SNRNP25: variants seen among roughly 807,000 people sequenced by gnomAD.
SNRNP25 encodes the protein small nuclear ribonucleoprotein U11/U12 subunit 25, also known as U11/U12 small nuclear ribonucleoprotein 25 kDa protein.
SNRNP25 carries 21 observed loss-of-function variants against 23.9 expected under a neutral mutation model. The ratio of observed to expected loss-of-function variants is 0.88; its 90% confidence interval spans 0.62 to 1.27. SNRNP25 has a LOEUF of 1.27. SNRNP25 is among the 50% of genes most tolerant of loss of function. SNRNP25 has a pLI of 0.00. For missense variants in SNRNP25, 160 were observed against 156.9 expected, an observed-to-expected ratio of 1.02 and a Z score of -0.11; for synonymous variants, 63 against 60.4, an observed-to-expected ratio of 1.04 and a Z score of -0.20.
At chr16:55,953 G>GTGGTGCCTGGTGA in intron 3 of SNRNP25, 71 bp downstream of exon 3, 1 of 1,390,314 alleles carries the variant, frequency 7.2e-7, no homozygotes. Flanking sequence ...CTGTCACCAG[G>GTGGTGCCTGGTGA]CACCACCTGG....
At position 56,566 on chromosome 16, in the gene SNRNP25, G is replaced by A. The variant is rs374244628; in HGVS notation, c.267G>A (p.Leu89=). The change falls in exon 4 of 5, where the codon CTG becomes CTA. Residue 89 remains leucine, a synonymous_variant. Transcript: ENST00000293861. ...SWSYVWRTYH[L]TSAGEKLTED... is the part of the protein sequence containing the mutation. ...CCTACGTGTGGAGGACGTACCATCTGACCTCTGCAGGAGAGAAACTCACGG... is the reference window on the plus strand; with the variant it reads ...CCTACGTGTGGAGGACGTACCATCTAACCTCTGCAGGAGAGAAACTCACGG... The A allele has an allele frequency of 6.4e-5, 104 of 1,613,928 alleles. 2 individuals carry two copies. The East Asian group carries it at 8.5e-4, about 13-fold the overall frequency.
intron 1 of SNRNP25, chr16:54,822 G>C (rs1286693232): frequency 4.6e-5 from 7 of 153,314 alleles, no homozygotes; most frequent in Admixed American, 2.6e-4. Flanking sequence ...GTTCACTACA[G>C]GCACGCGCCA....
Position 56,527 on chromosome 16 carries a change from C to A in SNRNP25, c.240-12C>A. 6.2e-7 allele frequency: 1 copy of A among 1,613,660 alleles called. No homozygotes were observed. The highest frequency in any genetic ancestry group is 1.1e-5 in the South Asian group (1 of 91,088). ...TCAGGGCACGTGGTTTACCTGCATT[C>A]CCCTCTTGCAGGTCCTACGTGTGGA... On this transcript the variant is annotated splice_polypyrimidine_tract_variant and intron_variant, in intron 3 of 4. Transcript: ENST00000293861.
At chr16:55,721 G>C in intron 2 of SNRNP25, 56 bp from the exon 3 acceptor site, 1 of 1,595,436 alleles carries the variant, frequency 6.3e-7, no homozygotes, top group South Asian at 1.1e-5. Flanking sequence ...GCCATCGGAG[G>C]CTGTGGCTTT....
In SNRNP25 at chr16:57,524, G is replaced by T; in HGVS notation, c.*381G>T. ...ATCACAGAGGTGAGTTAAGGGGAGA[G>T]AATTGGTACAGGCGAGTCCTATAGT... On this transcript the variant is annotated 3_prime_UTR_variant, in exon 5 of 5. Coordinates refer to ENST00000293861, the MANE Select transcript of SNRNP25 (RefSeq NM_024571.4). 1 of 274,044 alleles carries T rather than the reference G, an allele frequency of 3.6e-6. No homozygotes were observed. Among genetic ancestry groups the T allele is most frequent in the East Asian group, 7.1e-5 (1 of 14,160 alleles). 17.0% of individuals were successfully genotyped at this position (274,044 alleles called of 1,614,324 possible). A position where few individuals can be genotyped will look rare whatever the true frequency, so the allele number is the denominator to read the frequency against.
intron 2 of SNRNP25, 96 bp downstream of exon 2, chr16:55,645 C>T (rs1032161671): frequency 1.3e-6 from 2 of 1,546,690 alleles, no homozygotes; most frequent in Admixed American, 1.7e-5. Context: ...AACTCACAGG[C>T]CATGCCCAGG....
chr16:56,692 T>C (rs1897415317), intron 4 of SNRNP25, 79 bp downstream of exon 4: 1 of 1,468,040 alleles, frequency 6.8e-7, no homozygotes, highest in Non-Finnish European at 9.5e-7. Flanking sequence ...GCCAGAGGGC[T>C]GCGGCTCCCT....
chr16:55,361 G>A (rs1040794849), intron 1 of SNRNP25, 98 bp from the exon 2 acceptor site: 5 of 1,050,738 alleles, frequency 4.8e-6, no homozygotes, highest in Non-Finnish European at 5.9e-6. Flanking sequence ...TTCGTAAAAT[G>A]GAGCACCACT....
chr16:55,031 A>G (rs959375534), intron 1 of SNRNP25: 1 of 166,462 alleles, frequency 6.0e-6, no homozygotes, highest in Non-Finnish European at 1.3e-5. Context: ...ATTGCCTTGT[A>G]TTTCTTAAAT....
Position 56,534 on chromosome 16 carries a change from T to G in SNRNP25, c.240-5T>G. 3 of 1,613,940 alleles carry G rather than the reference T, an allele frequency of 1.9e-6. No homozygotes were observed. The highest frequency in any genetic ancestry group is 2.5e-6 in the Non-Finnish European group (3 of 1,179,982). The stretch of plus-strand genomic sequence containing the variant: ...ACGTGGTTTACCTGCATTCCCCTCT[T>G]GCAGGTCCTACGTGTGGAGGACGTA... On this transcript the variant is annotated splice_polypyrimidine_tract_variant and splice_region_variant and intron_variant, in intron 3 of 4. Transcript: ENST00000293861.
At chr16:56,165 A>T in intron 3 of SNRNP25, 1 of 627,534 alleles carries the variant, frequency 1.6e-6, no homozygotes, top group Non-Finnish European at 3.0e-6. Context: ...CACTGTCGGG[A>T]ATTTCCAGTG....
intron 4 of SNRNP25, 98 bp downstream of exon 4, chr16:56,711 A>C: frequency 7.6e-7 from 1 of 1,319,946 alleles, no homozygotes; most frequent in Admixed American, 1.8e-5. Context: ...CTCTCCGGAG[A>C]TAACACCCTC....
intron 3 of SNRNP25, 42 bp downstream of exon 3, chr16:55,924 G>A (rs1404861910): frequency 6.4e-7 from 1 of 1,570,918 alleles, no homozygotes; most frequent in African/African-American, 1.3e-5. Flanking sequence ...CCTTCGTGGG[G>A]CTAGTGCCCT....
intron 1 of SNRNP25, chr16:55,126 G>T (rs1218978675): frequency 3.9e-6 from 1 of 257,340 alleles, no homozygotes; most frequent in Non-Finnish European, 7.6e-6. Context: ...CCCGAAGCCT[G>T]GCCTGGGTCC....
Position 53,899 on chromosome 16 carries a change from G to A in SNRNP25, c.-118G>A, listed in dbSNP as rs943920950. 6.6e-7 allele frequency: 1 copy of A among 1,512,518 alleles called. No individual in the cohort carries two copies. Among genetic ancestry groups the A allele is most frequent in the African/African-American group, 1.4e-5 (1 of 72,636 alleles). The allele number at this position is 1,512,518 out of a possible 1,614,324, so 93.7% of individuals were successfully genotyped here. A position where few individuals can be genotyped will look rare whatever the true frequency, so the allele number is the denominator to read the frequency against. ...GTGCGGGCAGAGCCCGGCTGAGAGG[G>A]GCGGCCCTGGAGGAGACGGAGGCCG... is the stretch of plus-strand genomic sequence containing the variant. On this transcript the variant is annotated 5_prime_UTR_variant, in exon 1 of 5. Transcript: ENST00000293861.
chr16:56,146 A>C (rs1431440792), intron 3 of SNRNP25: 1 of 618,388 alleles, frequency 1.6e-6, no homozygotes, highest in Non-Finnish European at 3.0e-6. Context: ...GGGTATCTTC[A>C]CTTGGGGACA....
At chr16:56,511 G>A (rs369807955) in intron 3 of SNRNP25, 28 bp from the exon 4 acceptor site, 8 of 1,612,794 alleles carry the variant, frequency 5.0e-6, no homozygotes, top group East Asian at 4.5e-5. Context: ...CTCAGGGCAC[G>A]TGGTTTACCT....
chr16:55,272 A>G, intron 1 of SNRNP25, 187 bp from the exon 2 acceptor site: 1 of 566,482 alleles, frequency 1.8e-6, no homozygotes, highest in Non-Finnish European at 3.2e-6. Context: ...TATGGACATT[A>G]AAATGTGAGT....
intron 1 of SNRNP25, among the ~76,000 whole-genome samples, chr16:54,363 C>T (rs1897380293): frequency 6.6e-6 from 1 of 152,108 alleles, no homozygotes; most frequent in African/African-American, 2.4e-5. Context: ...CGTCCTCCCA[C>T]CTCAGCCTCC....
Sources: allele counts gnomAD v4.1 joint callset (sites outside exome capture counted in the v4.1 genomes callset), GRCh38; gene constraint gnomAD v4.1.1; transcripts MANE v1.5; gene names NCBI Gene and HGNC (gene_info 2026-07-23, HGNC 2026-07-21).